The following RGS9 variants were observed in gnomAD, a reference collection of about 807,000 sequenced individuals.
RGS9 encodes regulator of G-protein signalling 9.
Under a neutral mutation model 102.0 loss-of-function variants are expected in RGS9, and 78 were observed. That is an observed-to-expected ratio of 0.76 (90% CI 0.64 to 0.92). RGS9 has a LOEUF of 0.92. Ranked by LOEUF, RGS9 falls within the 40% of genes least tolerant of loss-of-function variation. The probability of loss-of-function intolerance (pLI) is 0.00; values close to 1 mark genes in which losing one functional copy is unlikely to be tolerated. For synonymous variants in RGS9, 353 were observed against 318.6 expected, an observed-to-expected ratio of 1.11 and a Z score of -1.15; for missense variants, 833 against 866.1, an observed-to-expected ratio of 0.96 and a Z score of 0.48.
At chr17:65,184,385 A>G (rs1257658302) in intron 9 of RGS9, among the ~76,000 whole-genome samples, 1 of 152,136 alleles carries the variant, frequency 6.6e-6, no homozygotes, top group South Asian at 2.1e-4. Flanking sequence ...TGAATCCTGC[A>G]TTTTATCTGA....
intron 16 of RGS9, among the ~76,000 whole-genome samples, chr17:65,208,581 T>C (rs1169656880): frequency 6.6e-6 from 1 of 152,176 alleles, no homozygotes; most frequent in East Asian, 1.9e-4. Context: ...GACGAAATAA[T>C]GTCCTGAGGG....
At position 65,160,274 on chromosome 17, in the gene RGS9, A is replaced by G. The variant is rs775433864; in HGVS notation, c.247A>G (p.Ile83Val). 36 of 1,614,176 alleles carry G rather than the reference A, an allele frequency of 2.2e-5. 1 individual carries two copies. In the South Asian group the frequency reaches 3.7e-4, roughly 17 times the overall value. ...LGNFIVRYGY[I>V]YPLQDPKNLI... Reference sequence around the variant, plus strand: ...CAACTTTATTGTCAGGTATGGCTACATTTACCCCCTGCAAGACCCCAAGAA... The same window carrying G: ...CAACTTTATTGTCAGGTATGGCTACGTTTACCCCCTGCAAGACCCCAAGAA... The change falls in exon 4 of 19, where the codon ATT (isoleucine) becomes GTT (valine). Residue 83 changes from isoleucine (I) to valine (V), a missense_variant. By Grantham distance (29) the Ile-to-Val change is conservative. Transcript: ENST00000262406.
At chr17:65,165,812 A>C (rs954618720) in intron 7 of RGS9, among the ~76,000 whole-genome samples, 1 of 152,190 alleles carries the variant, frequency 6.6e-6, no homozygotes, top group African/African-American at 2.4e-5. Flanking sequence ...TTCCAATGTT[A>C]CTTCCTCAAA....
At chr17:65,224,300 G>T (rs1056743515) in intron 17 of RGS9, among the ~76,000 whole-genome samples, 1 of 152,208 alleles carries the variant, frequency 6.6e-6, no homozygotes, top group African/African-American at 2.4e-5. Context: ...GGAAGGTTGA[G>T]ATACTTCCCC....
rs1404239118 is a variant in RGS9 at position 65,137,591 on chromosome 17, C to T, written c.51C>T (p.Leu17=). 6.2e-7 allele frequency: 1 copy of T among 1,613,566 alleles called. No individual in the cohort carries two copies. The change falls in exon 1 of 19, where the codon CTC becomes CTT. Residue 17 remains leucine, a synonymous_variant. Coordinates refer to ENST00000262406, the MANE Select transcript of RGS9 (RefSeq NM_003835.4). ...GQQYRPRMAF[L]QKIEALVKDM... ...AGTACAGGCCGAGGATGGCATTTCT[C>T]CAAAAGGTAACCCTGGCCCCTCACC...
chr17:65,215,082 C>T (rs886896281), intron 17 of RGS9, among the ~76,000 whole-genome samples: 3 of 152,090 alleles, frequency 2.0e-5, no homozygotes, highest in Admixed American at 6.5e-5. Context: ...GCTTGCAGTT[C>T]GTATGCTGGA....
At chr17:65,164,157 C>T (rs559960373) in intron 7 of RGS9, among the ~76,000 whole-genome samples, 2 of 152,316 alleles carry the variant, frequency 1.3e-5, no homozygotes, top group East Asian at 3.9e-4. Flanking sequence ...CTCTCAGGGG[C>T]TGGAAACCAC....
At chr17:65,222,820 C>T (rs1474033930) in intron 17 of RGS9, among the ~76,000 whole-genome samples, 1 of 152,192 alleles carries the variant, frequency 6.6e-6, no homozygotes, top group Admixed American at 6.5e-5. Context: ...CCTTCAGTCG[C>T]ACCCCCCTGA....
At chr17:65,167,111 T>C (rs1911216450) in intron 7 of RGS9, among the ~76,000 whole-genome samples, 1 of 152,078 alleles carries the variant, frequency 6.6e-6, no homozygotes, top group South Asian at 2.1e-4. Context: ...ACTTTGCCCC[T>C]GGAGGAAGAA....
At chr17:65,153,076 T>C (rs1482645254) in intron 1 of RGS9, among the ~76,000 whole-genome samples, 3 of 152,240 alleles carry the variant, frequency 2.0e-5, no homozygotes, top group Non-Finnish European at 4.4e-5. Context: ...CCACTAACCC[T>C]GGGAGCTGTC....
intron 1 of RGS9, among the ~76,000 whole-genome samples, chr17:65,144,924 G>A (rs551765259): frequency 2.0e-4 from 31 of 152,192 alleles, no homozygotes; most frequent in African/African-American, 6.7e-4. Context: ...AGTGTGGCAC[G>A]GTTGGCTTCT....
chr17:65,164,904 C>T (rs900998555), intron 7 of RGS9, among the ~76,000 whole-genome samples: 5 of 152,136 alleles, frequency 3.3e-5, no homozygotes, highest in African/African-American at 1.2e-4. Context: ...TATTGTCACC[C>T]TTCATTTCTA....
At chr17:65,198,767 C>T (rs947886667) in intron 13 of RGS9, among the ~76,000 whole-genome samples, 3 of 152,352 alleles carry the variant, frequency 2.0e-5, no homozygotes, top group East Asian at 1.9e-4. Flanking sequence ...TTGTCTGTGG[C>T]ACTGCTCCAG....
chr17:65,204,435 G>C, intron 15 of RGS9, 134 bp downstream of exon 15: 1 of 1,057,682 alleles, frequency 9.5e-7, no homozygotes, highest in Non-Finnish European at 1.4e-6. Flanking sequence ...ATGCAGCTAA[G>C]CATGGGGGCT....
chr17:65,149,845 A>G (rs1910509656), intron 1 of RGS9, among the ~76,000 whole-genome samples: 1 of 152,210 alleles, frequency 6.6e-6, no homozygotes, highest in East Asian at 1.9e-4. Flanking sequence ...AGATTCAGAG[A>G]GGTTAAGTGA....
At chr17:65,224,584 C>G (rs923758433) in intron 17 of RGS9, among the ~76,000 whole-genome samples, 1 of 152,224 alleles carries the variant, frequency 6.6e-6, no homozygotes, top group Non-Finnish European at 1.5e-5. Context: ...GTTTTAAATG[C>G]CTCCAGACCT....
At position 65,189,305 on chromosome 17, in the gene RGS9, T is replaced by A; in HGVS notation, c.674T>A (p.Val225Asp). The change falls in exon 10 of 19, where the codon GTC (valine) becomes GAC (aspartate). Residue 225 changes from valine (V) to aspartate (D), a missense_variant. This residue lies in a region of RGS9 where 328 missense variants were observed against 340.6 expected (regional missense o/e 0.96). Transcript: ENST00000262406. ...TTACAGAAACAAACAGTCGTTGCTGTCAAAAAAGAGGTAATTAGTCTTACA... is the reference window on the plus strand; with the variant it reads ...TTACAGAAACAAACAGTCGTTGCTGACAAAAAAGAGGTAATTAGTCTTACA... ...KVNQKQTVVA[V>D]KKEIMYYQQA... 1 of 1,611,700 alleles carries A rather than the reference T, an allele frequency of 6.2e-7. No homozygotes were observed. The highest frequency in any genetic ancestry group is 8.5e-7 in the Non-Finnish European group (1 of 1,177,950).
intron 9 of RGS9, among the ~76,000 whole-genome samples, chr17:65,187,831 A>G (rs566074043): frequency 2.2e-4 from 34 of 152,208 alleles, no homozygotes; most frequent in Non-Finnish European, 4.0e-4. Flanking sequence ...CCCCGTCTCT[A>G]CTAAAAATAC....
At chr17:65,161,045 C>T (rs1285960400) in intron 6 of RGS9, 136 bp downstream of exon 6, 1 of 741,842 alleles carries the variant, frequency 1.3e-6, no homozygotes, top group Non-Finnish European at 2.4e-6. Context: ...GCCAGCTAGC[C>T]ATCCATTTAT....
Sources: gnomAD v4.1 joint callset for allele counts (sites outside exome capture counted in the v4.1 genomes callset) on GRCh38, gnomAD v4.1.1 for gene constraint, gnomAD v4.1.1 regional missense constraint, MANE v1.5 for transcripts, NCBI Gene and HGNC (gene_info 2026-07-23, HGNC 2026-07-21) for gene names.